Variants in FBXO10 observed in about 807,000 individuals in gnomAD.
FBXO10 encodes the protein F-box only protein 10.
A neutral mutation model predicts 80.7 loss-of-function variants in FBXO10; 39 were observed. The observed-to-expected ratio is 0.48, with a 90% CI of 0.37 to 0.63. The LOEUF (loss-of-function observed/expected upper bound fraction) is 0.63, where lower values mean the gene tolerates loss of function less well. FBXO10 is among the 30% of genes least tolerant of loss of function. The probability of loss-of-function intolerance (pLI) is 0.00; values close to 1 mark genes in which losing one functional copy is unlikely to be tolerated. For missense variants in FBXO10, 1,025 were observed against 1,269.0 expected, an observed-to-expected ratio of 0.81 and a Z score of 2.92; for synonymous variants, 449 against 489.6, an observed-to-expected ratio of 0.92 and a Z score of 1.09.
intron 2 of FBXO10, among the ~76,000 whole-genome samples, chr9:37,540,274 G>A (rs937368295): frequency 1.3e-5 from 2 of 151,564 alleles, no homozygotes; most frequent in Admixed American, 6.6e-5. Flanking sequence ...TGCAACCTCC[G>A]CCTCCCGGGT....
chr9:37,534,479 G>A (rs1212563973), intron 3 of FBXO10, among the ~76,000 whole-genome samples: 2 of 152,312 alleles, frequency 1.3e-5, no homozygotes, highest in Middle Eastern at 3.4e-3. Context: ...AAAGACAGGC[G>A]CCTCCAAGGA....
rs565200776 is a variant in FBXO10, at chr9:37,513,788, C to T, written c.2697-1067G>A. 8.5e-5 allele frequency among the ~76,000 whole-genome samples: 13 copies of T among 152,210 alleles called. No individual in the cohort carries two copies. In the South Asian group the frequency reaches 2.3e-3, roughly 27 times the overall value. On this transcript the variant is annotated intron_variant, in intron 10 of 10. Coordinates refer to ENST00000432825, the MANE Select transcript of FBXO10 (RefSeq NM_012166.3). The stretch of plus-strand genomic sequence containing the variant: ...TATTTTTAGTAGAGATGGGGTTTCA[C>T]CATGTTGGCCAGGCTGGTCTCGAAA...
chr9:37,523,271 C>T (rs1821387661), intron 6 of FBXO10, among the ~76,000 whole-genome samples: 1 of 152,106 alleles, frequency 6.6e-6, no homozygotes, highest in South Asian at 2.1e-4. Flanking sequence ...TAGTTTTGGC[C>T]AGGCATGGTG....
intron 4 of FBXO10, among the ~76,000 whole-genome samples, chr9:37,529,858 G>A (rs1821574326): frequency 6.9e-6 from 1 of 145,404 alleles, no homozygotes; most frequent in Non-Finnish European, 1.5e-5. Context: ...TTTTTTGGTA[G>A]AGACAGGGTT....
intron 1 of FBXO10, among the ~76,000 whole-genome samples, chr9:37,549,834 G>A (rs372592135): frequency 5.9e-5 from 9 of 152,104 alleles, no homozygotes; most frequent in African/African-American, 2.2e-4. Flanking sequence ...TACTACAAGT[G>A]GCATTGTACC....
intron 10 of FBXO10, 135 bp from the exon 11 acceptor site, chr9:37,512,856 G>GT (rs1821097460): frequency 1.1e-6 from 1 of 898,346 alleles, no homozygotes; most frequent in Non-Finnish European, 1.6e-6. Context: ...TTATCTTCCA[G>GT]TTTAGTGTTA....
chr9:37,569,989 A>C (rs927383946), intron 1 of FBXO10, among the ~76,000 whole-genome samples: 12 of 152,228 alleles, frequency 7.9e-5, no homozygotes, highest in African/African-American at 2.4e-4. Flanking sequence ...AAAGAATTAC[A>C]ATGGAAATTA....
chr9:37,555,742 T>C (rs368698277), intron 1 of FBXO10, among the ~76,000 whole-genome samples: 4 of 152,278 alleles, frequency 2.6e-5, no homozygotes, highest in African/African-American at 9.6e-5. Flanking sequence ...TCTTTATATG[T>C]CCTTTGCCAG....
At chr9:37,547,850 C>A (rs990065236) in intron 1 of FBXO10, among the ~76,000 whole-genome samples, 2 of 151,862 alleles carry the variant, frequency 1.3e-5, no homozygotes, top group South Asian at 4.2e-4. Context: ...CCAAGCTACT[C>A]GGGAGGCTGA....
At chr9:37,513,205 C>T (rs1007396886) in intron 10 of FBXO10, among the ~76,000 whole-genome samples, 1 of 152,224 alleles carries the variant, frequency 6.6e-6, no homozygotes, top group Non-Finnish European at 1.5e-5. Flanking sequence ...CATTATGTTG[C>T]CCAAGCCGGT....
Position 37,537,409 on chromosome 9 carries a change from GT to G in FBXO10, c.1119del (p.Arg373SerfsTer33). 6.3e-6 allele frequency: 10 copies of G among 1,598,982 alleles called. No homozygotes were observed. The highest frequency in any genetic ancestry group is 7.7e-6 in the Non-Finnish European group (9 of 1,172,440). On this transcript the variant is annotated frameshift_variant, in exon 3 of 11. Coordinates refer to ENST00000432825, the MANE Select transcript of FBXO10 (RefSeq NM_012166.3). LOFTEE classifies it high-confidence loss of function. ...EDEDEDQLMY[R>X]LSYQVQGPRP... The stretch of plus-strand genomic sequence containing the variant: ...CGTGGGCCCTGCACTTGGTAGGATA[GT>G]CTGTACATCAGCTGGTCCTCATCTT...
intron 1 of FBXO10, among the ~76,000 whole-genome samples, chr9:37,559,330 T>C (rs1444987180): frequency 6.6e-6 from 1 of 152,174 alleles, no homozygotes; most frequent in Non-Finnish European, 1.5e-5. Context: ...TGATGCAGCA[T>C]CCTTCTTCCT....
chr9:37,553,496 A>T (rs1588852075), intron 1 of FBXO10, among the ~76,000 whole-genome samples: 1 of 152,150 alleles, frequency 6.6e-6, no homozygotes, highest in African/African-American at 2.4e-5. Flanking sequence ...GTACCCTCTG[A>T]TAGCTTCCTT....
chr9:37,531,781 G>A (rs999159783), intron 4 of FBXO10, 128 bp downstream of exon 4: 1 of 916,024 alleles, frequency 1.1e-6, no homozygotes, highest in Non-Finnish European at 1.7e-6. Context: ...GACACGCAGA[G>A]GACAGAGCAG....
rs117991730 is a variant in FBXO10 at position 37,516,632 on chromosome 9, C to T, written c.2515-547G>A. Among the ~76,000 whole-genome samples, 1,367 of 152,276 alleles carry T rather than the reference C, an allele frequency of 9.0e-3. 15 individuals are homozygous for T. The highest frequency in any genetic ancestry group is 0.015 in the Non-Finnish European group (1,023 of 68,014). On this transcript the variant is annotated intron_variant, in intron 9 of 10. Coordinates refer to ENST00000432825, the MANE Select transcript of FBXO10 (RefSeq NM_012166.3). Reference sequence around the variant, plus strand: ...GACAATTTACAATTGCAAAAATATGCAACCAACCTAACTGCCCATCAGCCA... The same window carrying T: ...GACAATTTACAATTGCAAAAATATGTAACCAACCTAACTGCCCATCAGCCA...
intron 1 of FBXO10, among the ~76,000 whole-genome samples, chr9:37,570,140 T>C (rs1192789697): frequency 1.3e-5 from 2 of 152,106 alleles, no homozygotes; most frequent in Non-Finnish European, 1.5e-5. Flanking sequence ...TAAAACCCTG[T>C]CTCTACTAAA....
At position 37,516,685 on chromosome 9, in the gene FBXO10, G is replaced by T. The variant is rs145116944; in HGVS notation, c.2515-600C>A. 9.7e-4 allele frequency among the ~76,000 whole-genome samples: 147 copies of T among 152,324 alleles called. 1 individual carries two copies. Among genetic ancestry groups the T allele is most frequent in the Non-Finnish European group, 1.5e-3 (105 of 68,042 alleles). On this transcript the variant is annotated intron_variant, in intron 9 of 10. Coordinates refer to ENST00000432825, the MANE Select transcript of FBXO10 (RefSeq NM_012166.3). ...GAGTGGATAAAGAAATGTGGTATAG[G>T]CTGGGTGCAGTGGCTCACACCTGTA...
intron 1 of FBXO10, among the ~76,000 whole-genome samples, chr9:37,546,220 T>C (rs944926470): frequency 6.6e-6 from 1 of 152,040 alleles, no homozygotes; most frequent in African/African-American, 2.4e-5. Flanking sequence ...GCATTCATTC[T>C]GAGGCACTTT....
intron 1 of FBXO10, among the ~76,000 whole-genome samples, chr9:37,573,088 G>A (rs1349411442): frequency 6.6e-6 from 1 of 152,120 alleles, no homozygotes; most frequent in African/African-American, 2.4e-5. Context: ...TCTTGTTGAA[G>A]GCTGTCATTC....
Sources: allele counts gnomAD v4.1 joint callset (sites outside exome capture counted in the v4.1 genomes callset), GRCh38; gene constraint gnomAD v4.1.1; transcripts MANE v1.5; gene names NCBI Gene and HGNC (gene_info 2026-07-23, HGNC 2026-07-21).